RALGPS1: variants seen among roughly 807,000 people sequenced by gnomAD.
RALGPS1 encodes the protein Ral GEF with PH domain and SH3 binding motif 1.
RALGPS1 carries 19 observed loss-of-function variants against 78.8 expected under a neutral mutation model. The ratio of observed to expected loss-of-function variants is 0.24; its 90% CI spans 0.17 to 0.35. The LOEUF (loss-of-function observed/expected upper bound fraction) is 0.35, where lower values mean the gene tolerates loss of function less well. Ranked by LOEUF, RALGPS1 falls within the 10% of genes least tolerant of loss-of-function variation. The pLI is 1.00. For synonymous variants in RALGPS1, 228 were observed against 256.3 expected (o/e 0.89, Z 1.06); for missense variants, 454 against 688.3 (o/e 0.66, Z 3.81).
intron 1 of RALGPS1, among the ~76,000 whole-genome samples, chr9:126,933,949 G>T (rs1295679353): frequency 6.6e-6 from 1 of 152,166 alleles, no homozygotes; most frequent in Non-Finnish European, 1.5e-5. Flanking sequence ...GCGAGGCCTT[G>T]GCTCGGTTTT....
At chr9:126,964,435 A>T (rs1001606847) in intron 2 of RALGPS1, among the ~76,000 whole-genome samples, 1 of 150,154 alleles carries the variant, frequency 6.7e-6, no homozygotes, top group Admixed American at 6.7e-5. Context: ...CCTCCTGGGG[A>T]TGGAGGCAGA....
intron 4 of RALGPS1, among the ~76,000 whole-genome samples, chr9:127,013,181 A>G (rs867865499): frequency 7.2e-5 from 11 of 152,222 alleles, no homozygotes; most frequent in African/African-American, 1.4e-4. Context: ...TACAGGGACC[A>G]GTGAGCAGAT....
intron 8 of RALGPS1, among the ~76,000 whole-genome samples, chr9:127,098,302 T>G (rs1371865657): frequency 6.6e-6 from 1 of 152,228 alleles, no homozygotes; most frequent in Admixed American, 6.5e-5. Context: ...TAGCGGTGTT[T>G]AACTTGGCGC....
intron 1 of RALGPS1, among the ~76,000 whole-genome samples, chr9:126,938,571 G>C (rs965525110): frequency 6.6e-6 from 1 of 152,188 alleles, no homozygotes; most frequent in Non-Finnish European, 1.5e-5. Flanking sequence ...TGGGTGGAAG[G>C]GGGAGGGCGT....
At chr9:127,195,547 A>C (rs1196137680) in intron 12 of RALGPS1, among the ~76,000 whole-genome samples, 1 of 152,178 alleles carries the variant, frequency 6.6e-6, no homozygotes, top group African/African-American at 2.4e-5. Flanking sequence ...ACTCATGGAA[A>C]ACCCCAAAGT....
At chr9:126,960,181 TCCCTCCCTC>T (rs2038745808) in intron 1 of RALGPS1, among the ~76,000 whole-genome samples, 1 of 24,044 alleles carries the variant, frequency 4.2e-5, no homozygotes, top group Non-Finnish European at 7.8e-5. Flanking sequence ...CCTCCCTCCC[TCCCTCCCTC>T]CCTTCCTTCC....
At chr9:127,117,450 A>G (rs1018345466) in intron 8 of RALGPS1, among the ~76,000 whole-genome samples, 3 of 152,252 alleles carry the variant, frequency 2.0e-5, no homozygotes, top group Non-Finnish European at 4.4e-5. Context: ...CCACTGTGCC[A>G]GCGGCTGGAG....
At chr9:127,104,410 A>G (rs1320436287) in intron 8 of RALGPS1, among the ~76,000 whole-genome samples, 1 of 152,130 alleles carries the variant, frequency 6.6e-6, no homozygotes, top group Admixed American at 6.6e-5. Context: ...CCTCTTAGAG[A>G]ATGACCCCTG....
chr9:126,963,671 G>T (rs899727039), intron 2 of RALGPS1, among the ~76,000 whole-genome samples: 1 of 152,152 alleles, frequency 6.6e-6, no homozygotes, highest in African/African-American at 2.4e-5. Flanking sequence ...CCCATCAGGT[G>T]TATATTATTA....
chr9:126,978,974 A>C (rs928711120), intron 4 of RALGPS1, among the ~76,000 whole-genome samples: 1 of 152,114 alleles, frequency 6.6e-6, no homozygotes, highest in Non-Finnish European at 1.5e-5. Context: ...TGAGGTTCAG[A>C]CCTCAGAGGA....
chr9:127,127,096 T>C (rs911660884), intron 8 of RALGPS1, among the ~76,000 whole-genome samples: 1 of 152,204 alleles, frequency 6.6e-6, no homozygotes, highest in Non-Finnish European at 1.5e-5. Context: ...GGAATTGGTG[T>C]AGTAATTTTG....
chr9:126,916,333 C>G (rs1433219595), intron 1 of RALGPS1, among the ~76,000 whole-genome samples: 2 of 152,150 alleles, frequency 1.3e-5, no homozygotes, highest in African/African-American at 4.8e-5. Context: ...GCTGCTGCAA[C>G]GCAGGGAGCA....
At chr9:126,996,993 T>C (rs1296719488) in intron 4 of RALGPS1, among the ~76,000 whole-genome samples, 3 of 152,196 alleles carry the variant, frequency 2.0e-5, no homozygotes, top group African/African-American at 7.2e-5. Context: ...CGCTTCATGC[T>C]AAAAACTCTC....
intron 8 of RALGPS1, chr9:127,087,410 T>A (rs530540820): frequency 6.6e-6 from 1 of 152,660 alleles, no homozygotes; most frequent in African/African-American, 2.4e-5. Context: ...AATATATTTT[T>A]AAAAAAACCC....
At chr9:126,967,963 G>C (rs555745843) in intron 3 of RALGPS1, among the ~76,000 whole-genome samples, 1 of 151,938 alleles carries the variant, frequency 6.6e-6, no homozygotes, top group Non-Finnish European at 1.5e-5. Flanking sequence ...GCTCATAGTA[G>C]GTGCTCAAAA....
chr9:126,965,783 G>A, intron 2 of RALGPS1, 61 bp from the exon 3 acceptor site: 1 of 1,304,074 alleles, frequency 7.7e-7, no homozygotes, highest in Non-Finnish European at 1.1e-6. Flanking sequence ...GAGGAGGTTT[G>A]GGAGGCAATG....
intron 14 of RALGPS1, chr9:127,210,517 C>A: frequency 3.4e-6 from 2 of 596,148 alleles, no homozygotes; most frequent in Non-Finnish European, 6.0e-6. Context: ...ACTGGCCTGG[C>A]AGCTCCAGGT....
chr9:127,005,153 T>C (rs1220911548), intron 4 of RALGPS1, among the ~76,000 whole-genome samples: 1 of 152,182 alleles, frequency 6.6e-6, no homozygotes, highest in Admixed American at 6.5e-5. Context: ...ATGGAAATAA[T>C]TGGCAGCAGT....
chr9:127,005,808 A>T (rs2043784600), intron 4 of RALGPS1, among the ~76,000 whole-genome samples: 1 of 152,196 alleles, frequency 6.6e-6, no homozygotes, highest in African/African-American at 2.4e-5. Context: ...TCAATTCACC[A>T]TTATAGATGT....
Sources: gnomAD v4.1 joint callset for allele counts (sites outside exome capture counted in the v4.1 genomes callset) on GRCh38, gnomAD v4.1.1 for gene constraint, MANE v1.5 for transcripts, NCBI Gene and HGNC (gene_info 2026-07-23, HGNC 2026-07-21) for gene names.